CSMD3: variants seen among roughly 807,000 people sequenced by gnomAD.
CSMD3 encodes the protein CUB and sushi domain-containing protein 3.
A neutral mutation model predicts 435.2 loss-of-function variants in CSMD3; 177 were observed. The ratio of observed to expected loss-of-function variants is 0.41; its 90% confidence interval spans 0.36 to 0.46. CSMD3 has a LOEUF of 0.46. CSMD3 is among the 20% of genes least tolerant of loss of function. The pLI is 0.34. For synonymous variants in CSMD3, 1,656 were observed against 1,520.5 expected, an observed-to-expected ratio of 1.09 and a Z score of -2.07; for missense variants, 4,265 against 4,504.6, an observed-to-expected ratio of 0.95 and a Z score of 1.52.
intron 3 of CSMD3, among the ~76,000 whole-genome samples, chr8:113,270,818 C>T (rs2093517855): frequency 6.6e-6 from 1 of 151,286 alleles, no homozygotes; most frequent in South Asian, 2.1e-4. Context: ...CGCACCGGGG[C>T]CTGTTGTGGG....
chr8:112,402,039 C>T (rs961713620), intron 35 of CSMD3, among the ~76,000 whole-genome samples: 2 of 152,058 alleles, frequency 1.3e-5, no homozygotes, highest in African/African-American at 4.8e-5. Context: ...TTTGTGGTGG[C>T]TTATTTGACA....
intron 10 of CSMD3, among the ~76,000 whole-genome samples, chr8:112,909,819 G>A (rs2082357853): frequency 6.6e-6 from 1 of 151,744 alleles, no homozygotes; most frequent in Non-Finnish European, 1.5e-5. Flanking sequence ...ATGAAAATGA[G>A]TTCATCTTTG....
intron 10 of CSMD3, among the ~76,000 whole-genome samples, chr8:112,892,737 C>T (rs1175301082): frequency 6.6e-6 from 1 of 151,444 alleles, no homozygotes; most frequent in African/African-American, 2.4e-5. Context: ...CTTCCCTGGC[C>T]ATCACATCCA....
intron 4 of CSMD3, among the ~76,000 whole-genome samples, chr8:113,136,825 G>GA (rs1395017833): frequency 6.6e-6 from 1 of 151,580 alleles, no homozygotes; most frequent in East Asian, 1.9e-4. Context: ...GGGGAAGTCA[G>GA]AAAAATAGGT....
At chr8:112,453,471 G>T (rs1006300791) in intron 32 of CSMD3, among the ~76,000 whole-genome samples, 1 of 151,818 alleles carries the variant, frequency 6.6e-6, no homozygotes, top group Non-Finnish European at 1.5e-5. Context: ...CACCAATAAC[G>T]TTCAAGCTGA....
At chr8:112,555,637 T>C (rs371574985) in intron 25 of CSMD3, among the ~76,000 whole-genome samples, 1 of 152,006 alleles carries the variant, frequency 6.6e-6, no homozygotes, top group African/African-American at 2.4e-5. Flanking sequence ...GTTTTCTGCA[T>C]GAATCAATGT....
At chr8:112,409,138 A>G in intron 32 of CSMD3, 106 bp from the exon 33 acceptor site, 2 of 1,551,652 alleles carry the variant, frequency 1.3e-6, no homozygotes, top group Non-Finnish European at 1.7e-6. Flanking sequence ...AAAGTATTAC[A>G]ATATAATAGT....
chr8:113,131,615 G>C (rs2091285499), intron 4 of CSMD3, among the ~76,000 whole-genome samples: 1 of 152,096 alleles, frequency 6.6e-6, no homozygotes, highest in African/African-American at 2.4e-5. Context: ...GAGACCTCAT[G>C]GAGAACCTCC....
At chr8:113,274,446 T>C (rs1194645526) in intron 3 of CSMD3, among the ~76,000 whole-genome samples, 3 of 152,186 alleles carry the variant, frequency 2.0e-5, no homozygotes, top group Non-Finnish European at 4.4e-5. Context: ...TTGTCCACGA[T>C]GAAGTATAGA....
intron 3 of CSMD3, among the ~76,000 whole-genome samples, chr8:113,215,985 G>A (rs544211363): frequency 5.3e-4 from 80 of 151,852 alleles, no homozygotes; most frequent in African/African-American, 1.8e-3. Context: ...AGGGAGAACA[G>A]CATTCTTATA....
At chr8:112,699,625 A>G (rs138027522) in intron 13 of CSMD3, among the ~76,000 whole-genome samples, 291 of 152,344 alleles carry the variant, frequency 1.9e-3, no homozygotes, top group African/African-American at 6.8e-3. Flanking sequence ...GAAGACATCA[A>G]TTTTACTAGG....
intron 13 of CSMD3, among the ~76,000 whole-genome samples, chr8:112,761,534 G>C (rs545565159): frequency 1.6e-3 from 242 of 152,086 alleles, no homozygotes; most frequent in Non-Finnish European, 2.8e-3. Context: ...TCCTAGTCAA[G>C]CATAAATCAA....
At chr8:112,343,813 G>T (rs56298658) in intron 41 of CSMD3, among the ~76,000 whole-genome samples, 2 of 151,366 alleles carry the variant, frequency 1.3e-5, no homozygotes, top group South Asian at 2.1e-4. Context: ...TGTGTGGCTA[G>T]TTTTTTTTTA....
intron 17 of CSMD3, among the ~76,000 whole-genome samples, 187 bp from the exon 18 acceptor site, chr8:112,656,528 T>A (rs1444813483): frequency 1.3e-5 from 2 of 152,122 alleles, no homozygotes; most frequent in Non-Finnish European, 2.9e-5. Flanking sequence ...AGGTATAAGC[T>A]CTTATTCCTA....
In CSMD3 at chr8:113,344,235, C is replaced by T. The variant is rs868467454; in HGVS notation, c.179-29442G>A. Among the ~76,000 whole-genome samples, 6 of 152,172 alleles carry T rather than the reference C, an allele frequency of 3.9e-5. No homozygotes were observed. The South Asian group carries it at 1.0e-3, about 26-fold the overall frequency. On this transcript the variant is annotated intron_variant, in intron 1 of 70. Coordinates refer to ENST00000297405, the MANE Select transcript of CSMD3 (RefSeq NM_198123.2). ...TTAGCCTTCTTTGAATCTCAGTTAG[C>T]TCTGGTCCATTTATAACTGCTTAAA...
intron 12 of CSMD3, among the ~76,000 whole-genome samples, chr8:112,817,977 ATTTC>A (rs2079423365): frequency 6.6e-6 from 1 of 151,924 alleles, no homozygotes; most frequent in South Asian, 2.1e-4. Flanking sequence ...TTACAAAAAA[ATTTC>A]TTTATACTTC....
intron 1 of CSMD3, among the ~76,000 whole-genome samples, chr8:113,368,838 A>G (rs2094329745): frequency 6.6e-6 from 1 of 152,038 alleles, no homozygotes; most frequent in South Asian, 2.1e-4. Flanking sequence ...TTATCCCTTA[A>G]TCTTAGGTAT....
chr8:112,229,949 T>C (rs947641284), intron 69 of CSMD3, among the ~76,000 whole-genome samples: 3 of 148,434 alleles, frequency 2.0e-5, no homozygotes, highest in Non-Finnish European at 4.5e-5. Context: ...CATGGGACAA[T>C]AGATTTGAGG....
At position 112,666,262 on chromosome 8, in the gene CSMD3, A is replaced by G; in HGVS notation, c.2816+15T>C. On this transcript the variant is annotated intron_variant, in intron 17 of 70. Transcript: ENST00000297405. ...ATAATATTTTCTTTAAAAGTAGGAA[A>G]AATATTTGTGAGACCTTTCAAATGT... 6.3e-7 allele frequency: 1 copy of G among 1,596,734 alleles called. No homozygotes were observed.
Sources: gnomAD v4.1 joint callset for allele counts (sites outside exome capture counted in the v4.1 genomes callset) on GRCh38, gnomAD v4.1.1 for gene constraint, MANE v1.5 for transcripts, NCBI Gene and HGNC (gene_info 2026-07-23, HGNC 2026-07-21) for gene names.